Variants in PCDHA4 observed in about 807,000 individuals in gnomAD.
The protein encoded by PCDHA4 is protocadherin alpha 4.
In PCDHA4, 49 loss-of-function variants were observed where a neutral mutation model predicts 61.4. That is an observed-to-expected ratio of 0.80 (90% CI 0.63 to 1.01). The LOEUF (loss-of-function observed/expected upper bound fraction) is 1.01. PCDHA4 is among the 50% of genes least tolerant of loss of function. The pLI, the probability that PCDHA4 is intolerant of heterozygous loss-of-function variation, is 0.00. For synonymous variants in PCDHA4, 590 were observed against 550.3 expected, an observed-to-expected ratio of 1.07 and a Z score of -1.01; for missense variants, 1,254 against 1,235.8, an observed-to-expected ratio of 1.01 and a Z score of -0.22.
intron 1 of PCDHA4, chr5:140,859,716 A>T (rs2045984140): frequency 1.3e-5 from 2 of 154,266 alleles, no homozygotes. Flanking sequence ...CACCAAAAAA[A>T]AATTGTGGCA....
chr5:140,846,361 T>TTTTC lies in PCDHA4; in HGVS notation c.2385+36801_2385+36804dup, dbSNP rs1362162129. ...AAAGTGCTTTCTCTTTTTTCTTTTC[T>TTTTC]TTTCTTTCTTTCTTTTTTTTTTTTT... is the stretch of plus-strand genomic sequence containing the variant. On this transcript the variant is annotated intron_variant, in intron 1 of 3. Coordinates refer to ENST00000530339, the MANE Select transcript of PCDHA4 (RefSeq NM_018907.4). 1.5e-5 allele frequency among the ~76,000 whole-genome samples: 2 copies of TTTTC among 133,632 alleles called. 1 individual carries two copies. Among genetic ancestry groups the TTTTC allele is most frequent in the Non-Finnish European group, 3.2e-5 (2 of 63,348 alleles). 87.7% of individuals were successfully genotyped at this position (133,632 alleles called of 152,430 possible). A position where few individuals can be genotyped will look rare whatever the true frequency, so the allele number is the denominator to read the frequency against.
At chr5:140,931,440 AT>A (rs2153608083) in intron 1 of PCDHA4, among the ~76,000 whole-genome samples, 1 of 141,482 alleles carries the variant, frequency 7.1e-6, no homozygotes, top group South Asian at 2.3e-4. Flanking sequence ...AAAATTAGCT[AT>A]TTAAAAGGAA....
intron 1 of PCDHA4, among the ~76,000 whole-genome samples, chr5:140,964,119 TAAC>T (rs146855097): frequency 0.014 from 2,059 of 152,320 alleles, 49 homozygotes; most frequent in African/African-American, 0.047. Context: ...AATCACATTC[TAAC>T]AACTAGTAAG....
At chr5:140,974,105 A>G (rs1173287678) in intron 1 of PCDHA4, among the ~76,000 whole-genome samples, 1 of 152,246 alleles carries the variant, frequency 6.6e-6, no homozygotes, top group African/African-American at 2.4e-5. Context: ...GGTTAAAAGT[A>G]TTCTTTTGCA....
At chr5:140,967,643 A>G in intron 1 of PCDHA4, 1 of 1,614,164 alleles carries the variant, frequency 6.2e-7, no homozygotes, top group East Asian at 2.2e-5. Flanking sequence ...TGGTGAGCTC[A>G]GGTACTCCTT....
intron 1 of PCDHA4, chr5:140,871,216 G>A (rs782807102): frequency 5.6e-6 from 9 of 1,613,738 alleles, no homozygotes; most frequent in East Asian, 4.5e-5. Context: ...CGCCATCTGC[G>A]TGGTGTCCAG....
chr5:140,820,061 G>T (rs1163910320), intron 1 of PCDHA4, among the ~76,000 whole-genome samples: 1 of 151,854 alleles, frequency 6.6e-6, no homozygotes, highest in Non-Finnish European at 1.5e-5. Context: ...ATAGAAAGTG[G>T]CTAACATCAG....
In PCDHA4 at chr5:140,882,915, A is replaced by G. The variant is rs374032403; in HGVS notation, c.2385+73343A>G. The G allele has an allele frequency of 9.7e-5, 156 of 1,614,110 alleles. No individual in the cohort carries two copies. Among genetic ancestry groups the G allele is most frequent in the Non-Finnish European group, 1.2e-4 (140 of 1,180,046 alleles). ...CATAGTTTATTACTGACAGCCAGTG[A>G]TGGAGGTAAACCCGAGCTGACTGGC... is the stretch of plus-strand genomic sequence containing the variant. On this transcript the variant is annotated intron_variant, in intron 1 of 3. Transcript: ENST00000530339.
At chr5:140,820,449 C>T (rs1175800232) in intron 1 of PCDHA4, among the ~76,000 whole-genome samples, 3 of 151,732 alleles carry the variant, frequency 2.0e-5, no homozygotes, top group Non-Finnish European at 4.4e-5. Context: ...TCTCTTGGTC[C>T]CTCTTGTCTT....
At chr5:140,882,556 T>A (rs367760301) in intron 1 of PCDHA4, 11 of 1,614,194 alleles carry the variant, frequency 6.8e-6, no homozygotes, top group Non-Finnish European at 9.3e-6. Flanking sequence ...AGGAGCTGTG[T>A]GGGCGGAGCG....
At chr5:140,830,806 AT>A (rs1554133024) in intron 1 of PCDHA4, 1 of 158,086 alleles carries the variant, frequency 6.3e-6, no homozygotes, top group African/African-American at 2.4e-5. Flanking sequence ...TGGGATTTTC[AT>A]TTGTTTGCCT....
chr5:140,882,262 G>A (rs907928710), intron 1 of PCDHA4: 14 of 1,605,126 alleles, frequency 8.7e-6, no homozygotes, highest in Non-Finnish European at 1.2e-5. Flanking sequence ...GGTTTTTGGA[G>A]TGTACCATGC....
chr5:140,978,295 A>G (rs1222694864), intron 1 of PCDHA4, among the ~76,000 whole-genome samples: 2 of 152,246 alleles, frequency 1.3e-5, no homozygotes, highest in Non-Finnish European at 2.9e-5. Context: ...GAGGAGGGAA[A>G]GCACTCAGGA....
intron 1 of PCDHA4, among the ~76,000 whole-genome samples, chr5:140,939,305 C>A (rs1251046319): frequency 6.6e-6 from 1 of 152,114 alleles, no homozygotes; most frequent in Non-Finnish European, 1.5e-5. Context: ...TCTACAAAAG[C>A]CCTACCTCCT....
At chr5:140,869,400 C>G (rs782134920) in intron 1 of PCDHA4, 3 of 1,614,144 alleles carry the variant, frequency 1.9e-6, no homozygotes, top group Middle Eastern at 3.3e-4. Context: ...GCGGGCAGAG[C>G]GCGGAGTGCA....
chr5:140,828,149 C>T, intron 1 of PCDHA4: 1 of 1,614,102 alleles, frequency 6.2e-7, no homozygotes. Flanking sequence ...CCCGCTTCTG[C>T]TCCTCGCAGC....
At chr5:140,823,656 A>G (rs2150127966) in intron 1 of PCDHA4, 2 of 1,613,972 alleles carry the variant, frequency 1.2e-6, no homozygotes, top group Non-Finnish European at 1.7e-6. Flanking sequence ...GGCTGTACAC[A>G]GGCGAGATCA....
intron 1 of PCDHA4, chr5:140,848,371 A>T: frequency 8.8e-7 from 1 of 1,131,148 alleles, no homozygotes; most frequent in Non-Finnish European, 1.3e-6. Context: ...AAAGAGGCTC[A>T]ATTCTTTTTC....
intron 1 of PCDHA4, among the ~76,000 whole-genome samples, chr5:140,934,797 T>A (rs1045887352): frequency 6.6e-6 from 1 of 152,236 alleles, no homozygotes; most frequent in African/African-American, 2.4e-5. Context: ...CAATTATCTT[T>A]TTAATGATCA....
Sources: allele counts gnomAD v4.1 joint callset (sites outside exome capture counted in the v4.1 genomes callset), GRCh38; gene constraint gnomAD v4.1.1; transcripts MANE v1.5; gene names NCBI Gene and HGNC (gene_info 2026-07-23, HGNC 2026-07-21).